Variants in PCGF6 observed in about 807,000 individuals in gnomAD.
The protein encoded by PCGF6 is polycomb group RING finger protein 6.
PCGF6 carries 24 observed loss-of-function variants against 45.5 expected under a neutral mutation model. The ratio of observed to expected loss-of-function variants is 0.53; its 90% CI spans 0.38 to 0.74. PCGF6 has a LOEUF of 0.74. PCGF6 is among the 30% of genes least tolerant of loss of function. PCGF6 has a pLI of 0.00. For missense variants in PCGF6, 356 were observed against 443.2 expected (o/e 0.80, Z 1.77); for synonymous variants, 152 against 162.1 (o/e 0.94, Z 0.47).
intron 7 of PCGF6, 30 bp downstream of exon 7, chr10:103,333,895 G>T: frequency 6.5e-7 from 1 of 1,535,680 alleles, no homozygotes; most frequent in Non-Finnish European, 8.8e-7. Flanking sequence ...GAGTCCTCTT[G>T]TGAAATGAAT....
chr10:103,320,714 T>C (rs924913278), intron 8 of PCGF6, among the ~76,000 whole-genome samples: 5 of 152,192 alleles, frequency 3.3e-5, no homozygotes, highest in Non-Finnish European at 7.3e-5. Context: ...TCTGTATTTT[T>C]TAAACTTTTG....
intron 8 of PCGF6, among the ~76,000 whole-genome samples, chr10:103,319,882 C>T (rs556653226): frequency 1.3e-5 from 2 of 152,162 alleles, no homozygotes; most frequent in East Asian, 1.9e-4. Flanking sequence ...CTCGGCTCAC[C>T]GCAACCTCCA....
intron 8 of PCGF6, among the ~76,000 whole-genome samples, chr10:103,325,270 T>C (rs1329778687): frequency 2.0e-5 from 3 of 152,230 alleles, no homozygotes; most frequent in African/African-American, 7.2e-5. Flanking sequence ...TTGTTTTGTT[T>C]TGAGACGGAG....
chr10:103,345,742 C>T (rs1032535967), intron 5 of PCGF6, among the ~76,000 whole-genome samples: 11 of 151,700 alleles, frequency 7.3e-5, no homozygotes, highest in South Asian at 2.1e-4. Flanking sequence ...ACAGGAGGAC[C>T]GCTTGAGACT....
chr10:103,339,932 G>A (rs1349524890), intron 6 of PCGF6, among the ~76,000 whole-genome samples: 2 of 143,914 alleles, frequency 1.4e-5, no homozygotes, highest in African/African-American at 5.1e-5. Flanking sequence ...GGGAGGCTTA[G>A]GCAGGTGGAT....
At chr10:103,320,540 A>T (rs960748718) in intron 8 of PCGF6, among the ~76,000 whole-genome samples, 6 of 152,152 alleles carry the variant, frequency 3.9e-5, no homozygotes, top group Non-Finnish European at 5.9e-5. Context: ...CTAGAAAATT[A>T]GCCAGGCATG....
intron 9 of PCGF6, among the ~76,000 whole-genome samples, chr10:103,312,774 C>T (rs1159886658): frequency 9.9e-5 from 15 of 151,792 alleles, no homozygotes; most frequent in Non-Finnish European, 2.1e-4. Flanking sequence ...CCAGCCTGAC[C>T]AACACAGAGA....
In PCGF6 at chr10:103,326,610, C is replaced by G; in HGVS notation, c.833G>C (p.Arg278Pro). The change falls in exon 8 of 10, where the codon CGA becomes CCA. Residue 278 changes from arginine to proline, a missense_variant. Around this residue, in one of 2 missense-constraint regions of PCGF6, gnomAD observed 49 missense variants for 93.0 expected, o/e 0.53. Coordinates refer to ENST00000369847, the MANE Select transcript of PCGF6 (RefSeq NM_001011663.2). ...TCCAATAGTTGCTTCTCCTGAAACT[C>G]GAACAAACTTCTTTTCCAATGGCTA... ...HFKPLEKKFV[R>P]VSGEATIGHV... 6.2e-7 allele frequency: 1 copy of G among 1,608,716 alleles called. No individual in the cohort carries two copies. Among genetic ancestry groups the G allele is most frequent in the Non-Finnish European group, 8.5e-7 (1 of 1,178,938 alleles).
At position 103,336,325 on chromosome 10, in the gene PCGF6, ATAT is replaced by A. The variant is rs1011374669; in HGVS notation, c.783-2376_783-2374del. On this transcript the variant is annotated intron_variant, in intron 6 of 9. Coordinates refer to ENST00000369847, the MANE Select transcript of PCGF6 (RefSeq NM_001011663.2). ...TATATATTATAAACCTATAAATGATATATTATTTTATATGAAATTATATCAATA... is the reference window on the plus strand; with the variant it reads ...TATATATTATAAACCTATAAATGATATATTTTATATGAAATTATATCAATA... Among the ~76,000 whole-genome samples the A allele has an allele frequency of 9.2e-4, 140 of 151,656 alleles. 1 individual carries two copies. The highest frequency in any genetic ancestry group is 2.7e-3 in the African/African-American group (110 of 41,482).
rs2093124510 is a variant in PCGF6 at position 103,302,981 on chromosome 10, T to G, written c.*924A>C. Reference sequence around the variant, plus strand: ...CATCACAATGCTAATTTTAGGCAAATAATGTTTTAAAACTGAAGTCTTTGC... The same window carrying G: ...CATCACAATGCTAATTTTAGGCAAAGAATGTTTTAAAACTGAAGTCTTTGC... On this transcript the variant is annotated 3_prime_UTR_variant, in exon 10 of 10. Coordinates refer to ENST00000369847, the MANE Select transcript of PCGF6 (RefSeq NM_001011663.2). 4 of 152,558 alleles carry G rather than the reference T, an allele frequency of 2.6e-5. No homozygotes were observed. 9.5% of individuals were successfully genotyped at this position (152,558 alleles called of 1,614,324 possible).
chr10:103,305,030 A>G (rs1184299823), intron 9 of PCGF6, among the ~76,000 whole-genome samples: 2 of 149,956 alleles, frequency 1.3e-5, no homozygotes, highest in Non-Finnish European at 3.0e-5. Flanking sequence ...TGGCGCGATC[A>G]TAGCTCACTG....
intron 3 of PCGF6, among the ~76,000 whole-genome samples, chr10:103,347,922 TATC>T (rs1488546412): frequency 6.6e-6 from 1 of 152,214 alleles, no homozygotes; most frequent in Non-Finnish European, 1.5e-5. Context: ...AACTTCTGTC[TATC>T]ATCTGCAAAG....
At chr10:103,342,911 C>T (rs1028721181) in intron 6 of PCGF6, among the ~76,000 whole-genome samples, 19 of 10,902 alleles carry the variant, frequency 1.7e-3, no homozygotes, top group African/African-American at 2.1e-3. Context: ...TTCTTGGGGA[C>T]ATAACAAATC....
rs996099220 is a variant in PCGF6 at position 103,348,508 on chromosome 10, G to A, written c.557+208C>T. On this transcript the variant is annotated intron_variant, in intron 3 of 9. Transcript: ENST00000369847. ...TGTGCCGCCACTCCTGGCTAATAGT[G>A]GAGATGGGGTTTCACCATGTTGGCC... 9.8e-5 allele frequency: 37 copies of A among 378,686 alleles called. No homozygotes were observed. In the East Asian group the frequency reaches 1.4e-3, roughly 14 times the overall value. The allele number at this position is 378,686 out of a possible 1,614,324, so 23.5% of individuals were successfully genotyped here.
chr10:103,349,479 GT>G (rs11450842), intron 1 of PCGF6, among the ~76,000 whole-genome samples: 8 of 108,148 alleles, frequency 7.4e-5, no homozygotes, highest in African/African-American at 2.2e-4. Flanking sequence ...CTTTCTTTCC[GT>G]TTTTTTTTTT....
At chr10:103,314,407 G>T in intron 8 of PCGF6, 135 bp from the exon 9 acceptor site, 1 of 525,268 alleles carries the variant, frequency 1.9e-6, no homozygotes. Context: ...AAACGCTCTT[G>T]AAAAGAGAGT....
intron 6 of PCGF6, among the ~76,000 whole-genome samples, chr10:103,339,804 AAAAAAAACACACACACACAC>A (rs2093271851): frequency 2.5e-5 from 1 of 39,942 alleles, no homozygotes; most frequent in South Asian, 2.3e-3. Context: ...TCTGTCTCAA[AAAAAAAACACACACACACAC>A]ACACACACAC....
chr10:103,303,969 G>A lies in PCGF6; in HGVS notation c.997-8C>T, dbSNP rs1171410444. On this transcript the variant is annotated splice_region_variant and splice_polypyrimidine_tract_variant and intron_variant, in intron 9 of 9. Coordinates refer to ENST00000369847, the MANE Select transcript of PCGF6 (RefSeq NM_001011663.2). ...AAGGACAAGCAGACCATCCTGAAAAGGGGAGAAAAAAAGACGATTTTGCAG... is the reference window on the plus strand; with the variant it reads ...AAGGACAAGCAGACCATCCTGAAAAAGGGAGAAAAAAAGACGATTTTGCAG... 1 of 1,612,218 alleles carries A rather than the reference G, an allele frequency of 6.2e-7. No individual in the cohort carries two copies. Among genetic ancestry groups the A allele is most frequent in the East Asian group, 2.2e-5 (1 of 44,846 alleles).
chr10:103,333,845 T>G (rs1369054513), intron 7 of PCGF6, 80 bp downstream of exon 7: 2 of 955,580 alleles, frequency 2.1e-6, no homozygotes, highest in Non-Finnish European at 3.1e-6. Flanking sequence ...TTATACAATC[T>G]CCATTTGGTT....
Sources: gnomAD v4.1 joint callset for allele counts (sites outside exome capture counted in the v4.1 genomes callset) on GRCh38, gnomAD v4.1.1 for gene constraint, gnomAD v4.1.1 regional missense constraint, MANE v1.5 for transcripts, NCBI Gene and HGNC (gene_info 2026-07-23, HGNC 2026-07-21) for gene names.